ABL1: variants seen among roughly 807,000 people sequenced by gnomAD.
The protein encoded by ABL1 is ABL proto-oncogene 1, non-receptor tyrosine kinase.
ABL1 carries 11 observed loss-of-function variants against 94.7 expected under a neutral mutation model. That is an observed-to-expected ratio of 0.12 (90% CI 0.07 to 0.19). The LOEUF (loss-of-function observed/expected upper bound fraction) is 0.19. ABL1 is among the 10% of genes least tolerant of loss of function. ABL1 has a pLI of 1.00. For missense variants in ABL1, 1,082 were observed against 1,489.4 expected, an observed-to-expected ratio of 0.73 and a Z score of 4.50; for synonymous variants, 656 against 622.4, an observed-to-expected ratio of 1.05 and a Z score of -0.80.
intron 1 of ABL1, among the ~76,000 whole-genome samples, chr9:130,725,741 A>C (rs1311652254): frequency 1.3e-5 from 2 of 150,922 alleles, no homozygotes; most frequent in Non-Finnish European, 2.9e-5. Context: ...TTCTTTTTTA[A>C]GGCTGAATAA....
chr9:130,801,230 T>C (rs922856241), intron 1 of ABL1, among the ~76,000 whole-genome samples: 1 of 149,010 alleles, frequency 6.7e-6, no homozygotes, highest in African/African-American at 2.5e-5. Flanking sequence ...TGCCCGGCCC[T>C]TTTTCCTTTC....
chr9:130,785,485 G>A (rs1038422225), intron 1 of ABL1, among the ~76,000 whole-genome samples: 2 of 152,064 alleles, frequency 1.3e-5, no homozygotes, highest in Non-Finnish European at 2.9e-5. Flanking sequence ...GTTGGGGGAG[G>A]CTCTCCTAAG....
chr9:130,760,770 C>G (rs1832101939), intron 1 of ABL1, among the ~76,000 whole-genome samples: 1 of 150,866 alleles, frequency 6.6e-6, no homozygotes, highest in Admixed American at 6.6e-5. Flanking sequence ...TCAAGAGATT[C>G]TCCTGCCTCA....
intron 1 of ABL1, among the ~76,000 whole-genome samples, chr9:130,796,920 CAAAAAAA>C (rs10607745): frequency 6.6e-5 from 4 of 60,756 alleles, no homozygotes; most frequent in South Asian, 6.0e-4. Flanking sequence ...AACTTCATCT[CAAAAAAA>C]AAAAAAAAAA....
At chr9:130,724,191 C>G (rs2132679911) in intron 1 of ABL1, among the ~76,000 whole-genome samples, 1 of 152,262 alleles carries the variant, frequency 6.6e-6, no homozygotes, top group Non-Finnish European at 1.5e-5. Context: ...TTCACTGCAG[C>G]CTCGAACTCC....
chr9:130,718,317 CAAAAAA>C (rs35188504), intron 1 of ABL1, among the ~76,000 whole-genome samples: 4 of 73,078 alleles, frequency 5.5e-5, no homozygotes, highest in African/African-American at 1.3e-4. Flanking sequence ...GACTCTGTCT[CAAAAAA>C]AAAAAAAAAA....
chr9:130,787,115 A>T (rs1399770386), intron 1 of ABL1, among the ~76,000 whole-genome samples: 1 of 152,160 alleles, frequency 6.6e-6, no homozygotes, highest in Non-Finnish European at 1.5e-5. Context: ...TCACGCTTGC[A>T]TAATACACCT....
At chr9:130,881,346 T>C (rs1331816359) in intron 10 of ABL1, among the ~76,000 whole-genome samples, 2 of 152,198 alleles carry the variant, frequency 1.3e-5, no homozygotes, top group African/African-American at 4.8e-5. Context: ...TAGTCTGTTT[T>C]CATGCTGCTA....
At chr9:130,839,852 G>A (rs1362932218) in intron 1 of ABL1, among the ~76,000 whole-genome samples, 2 of 152,124 alleles carry the variant, frequency 1.3e-5, no homozygotes, top group Admixed American at 6.5e-5. Context: ...CTCACACAGC[G>A]TTCCTAGGGT....
At chr9:130,797,200 C>T (rs1829987529) in intron 1 of ABL1, among the ~76,000 whole-genome samples, 1 of 120,808 alleles carries the variant, frequency 8.3e-6, no homozygotes, top group South Asian at 3.0e-4. Context: ...CGCGCCACTG[C>T]ATTCGAGCCT....
At position 130,880,365 on chromosome 9, in the gene ABL1, G is replaced by A. The variant is rs137958759; in HGVS notation, c.1514-135G>A. On this transcript the variant is annotated intron_variant, in intron 9 of 10. Coordinates refer to ENST00000318560, the MANE Select transcript of ABL1 (RefSeq NM_005157.6). This position sits in a 1 kb window ranked among gnomAD's most constrained non-coding sequence, Gnocchi z 4.4. ...AAGAAATGCTAAGGGCTGTTTCTCCGGTATCCACGTGCCTTTTCTTTAGTT... is the reference window on the plus strand; with the variant it reads ...AAGAAATGCTAAGGGCTGTTTCTCCAGTATCCACGTGCCTTTTCTTTAGTT... 23 of 1,158,184 alleles carry A rather than the reference G, an allele frequency of 2.0e-5. No homozygotes were observed. The highest frequency in any genetic ancestry group is 2.2e-4 in the Middle Eastern group (1 of 4,478). 71.7% of individuals were successfully genotyped at this position (1,158,184 alleles called of 1,614,324 possible).
chr9:130,832,968 G>T (rs1830510008), upstream of ABL1, among the ~76,000 whole-genome samples: 1 of 152,168 alleles, frequency 6.6e-6, no homozygotes, highest in South Asian at 2.1e-4. Context: ...TAGATCTGTT[G>T]ATGTATGGTT....
chr9:130,824,040 T>C (rs1432024557), intron 1 of ABL1, among the ~76,000 whole-genome samples: 3 of 152,206 alleles, frequency 2.0e-5, no homozygotes, highest in Non-Finnish European at 4.4e-5. Context: ...GCCTAGTGTA[T>C]TACAGTTCTC....
intron 4 of ABL1, among the ~76,000 whole-genome samples, chr9:130,869,343 G>A (rs559221842): frequency 6.6e-6 from 1 of 152,338 alleles, no homozygotes; most frequent in East Asian, 1.9e-4. Flanking sequence ...GCACCGCTGA[G>A]TGAGTGCTGG....
chr9:130,732,588 C>G (rs1030958039), intron 1 of ABL1, among the ~76,000 whole-genome samples: 1 of 152,062 alleles, frequency 6.6e-6, no homozygotes, highest in Non-Finnish European at 1.5e-5. Context: ...GTCCTTATTC[C>G]TTTCTCCAGG....
intron 1 of ABL1, among the ~76,000 whole-genome samples, chr9:130,774,471 T>C (rs1279783834): frequency 6.6e-6 from 1 of 152,102 alleles, no homozygotes; most frequent in Non-Finnish European, 1.5e-5. Flanking sequence ...AGATCATTGA[T>C]TGGCTACACT....
At chr9:130,803,421 T>C (rs1588244745) in intron 1 of ABL1, among the ~76,000 whole-genome samples, 1 of 152,248 alleles carries the variant, frequency 6.6e-6, no homozygotes, top group Non-Finnish European at 1.5e-5. Flanking sequence ...CTATGCATGT[T>C]TCTGTCATGT....
intron 7 of ABL1, among the ~76,000 whole-genome samples, chr9:130,876,139 T>G (rs11244172): frequency 6.6e-6 from 1 of 152,062 alleles, no homozygotes; most frequent in East Asian, 1.9e-4. Flanking sequence ...AAATGCTTGA[T>G]TTGCTATCGT....
chr9:130,768,053 C>A (rs1015642507), intron 1 of ABL1, among the ~76,000 whole-genome samples: 1 of 152,254 alleles, frequency 6.6e-6, no homozygotes, highest in African/African-American at 2.4e-5. Context: ...CAAAACCCTG[C>A]GTTTTCACAT....
Sources: gnomAD v4.1 joint callset for allele counts (sites outside exome capture counted in the v4.1 genomes callset) on GRCh38, gnomAD v4.1.1 for gene constraint, Gnocchi (gnomAD v3.1) non-coding constraint, MANE v1.5 for transcripts, NCBI Gene and HGNC (gene_info 2026-07-23, HGNC 2026-07-21) for gene names.